The following PAPPA variants were observed in gnomAD, a reference collection of about 807,000 sequenced individuals.
PAPPA encodes the protein pappalysin 1.
Under a neutral mutation model 164.0 loss-of-function variants are expected in PAPPA, and 60 were observed. The ratio of observed to expected loss-of-function variants is 0.37; its 90% CI spans 0.30 to 0.45. The LOEUF (loss-of-function observed/expected upper bound fraction) is 0.45. Ranked by LOEUF, PAPPA falls within the 20% of genes least tolerant of loss-of-function variation. The pLI is 1.00. For missense variants in PAPPA, 1,782 were observed against 2,087.3 expected, an observed-to-expected ratio of 0.85 and a Z score of 2.85; for synonymous variants, 875 against 814.1, an observed-to-expected ratio of 1.07 and a Z score of -1.27.
intron 15 of PAPPA, among the ~76,000 whole-genome samples, chr9:116,352,215 T>G (rs1846291537): frequency 6.6e-6 from 1 of 151,914 alleles, no homozygotes; most frequent in Non-Finnish European, 1.5e-5. Flanking sequence ...TGGTGGGAGC[T>G]GGGGGAGGTG....
At chr9:116,212,354 A>T (rs1200634337) in intron 4 of PAPPA, among the ~76,000 whole-genome samples, 1 of 152,096 alleles carries the variant, frequency 6.6e-6, no homozygotes, top group Non-Finnish European at 1.5e-5. Flanking sequence ...TTATCATAGT[A>T]CTTTTGAGTA....
chr9:116,393,214 C>T (rs1279255634), intron 21 of PAPPA, among the ~76,000 whole-genome samples: 2 of 152,180 alleles, frequency 1.3e-5, no homozygotes, highest in Non-Finnish European at 2.9e-5. Context: ...TTCTATGTTT[C>T]AAGTTCCTTT....
intron 7 of PAPPA, among the ~76,000 whole-genome samples, chr9:116,243,205 T>C (rs1443248333): frequency 2.0e-5 from 3 of 152,202 alleles, no homozygotes; most frequent in African/African-American, 2.4e-5. Context: ...TTTAGTACAA[T>C]CCCTGTGCTA....
chr9:116,225,371 T>G (rs1347128871), intron 5 of PAPPA, among the ~76,000 whole-genome samples: 1 of 152,224 alleles, frequency 6.6e-6, no homozygotes, highest in Non-Finnish European at 1.5e-5. Context: ...ACTCATGTAT[T>G]TAAAATATGT....
At chr9:116,290,603 T>C (rs1735641731) in intron 9 of PAPPA, among the ~76,000 whole-genome samples, 2 of 152,160 alleles carry the variant, frequency 1.3e-5, no homozygotes, top group African/African-American at 4.8e-5. Context: ...CTTGACTCCC[T>C]GACCATTACT....
At chr9:116,165,285 C>T (rs116801048) in intron 1 of PAPPA, among the ~76,000 whole-genome samples, 1 of 152,268 alleles carries the variant, frequency 6.6e-6, no homozygotes, top group African/African-American at 2.4e-5. Flanking sequence ...CCACTGGGCT[C>T]CAGACTCACA....
intron 9 of PAPPA, among the ~76,000 whole-genome samples, chr9:116,283,799 G>A (rs77242360): frequency 0.018 from 2,761 of 152,196 alleles, 78 homozygotes; most frequent in African/African-American, 0.064. Flanking sequence ...TCATTACCAA[G>A]GAAGGGTCTC....
At chr9:116,212,068 A>C in intron 4 of PAPPA, 136 bp downstream of exon 4, 1 of 733,028 alleles carries the variant, frequency 1.4e-6, no homozygotes, top group South Asian at 1.8e-5. Context: ...TATCCACCTA[A>C]TGTCTTTCGG....
At chr9:116,314,899 T>C (rs1288886616) in intron 10 of PAPPA, among the ~76,000 whole-genome samples, 2 of 152,212 alleles carry the variant, frequency 1.3e-5, no homozygotes, top group African/African-American at 4.8e-5. Context: ...ACAAGCTGAC[T>C]TTCAGTGTGC....
At chr9:116,234,980 GT>G (rs1188070297) in intron 6 of PAPPA, among the ~76,000 whole-genome samples, 158 bp from the exon 7 acceptor site, 1 of 152,180 alleles carries the variant, frequency 6.6e-6, no homozygotes, top group Non-Finnish European at 1.5e-5. Context: ...TGGATGCTGT[GT>G]GTATAGCAGA....
chr9:116,384,113 C>T (rs933669801), intron 21 of PAPPA, among the ~76,000 whole-genome samples: 12 of 151,886 alleles, frequency 7.9e-5, no homozygotes, highest in Non-Finnish European at 1.8e-4. Flanking sequence ...GTTTACTTAG[C>T]ACAGGAAATC....
In PAPPA at chr9:116,368,699, A is replaced by T. The variant is rs188792856; in HGVS notation, c.4605+945A>T. On this transcript the variant is annotated intron_variant, in intron 19 of 21. Transcript: ENST00000328252. ...TCACCCTGGAGAAACCGAAAGAAGG[A>T]GGCCGGGGTTGCGGGGTGGGCGAGG... is the stretch of plus-strand genomic sequence containing the variant. Among the ~76,000 whole-genome samples, 199 of 152,256 alleles carry T rather than the reference A, an allele frequency of 1.3e-3. 3 individuals are homozygous for T. The highest frequency in any genetic ancestry group is 8.5e-3 in the South Asian group (41 of 4,812).
chr9:116,352,663 G>T (rs770384483), intron 15 of PAPPA, 43 bp from the exon 16 acceptor site: 2 of 1,507,598 alleles, frequency 1.3e-6, no homozygotes, highest in Non-Finnish European at 1.8e-6. Context: ...TTGGCTATCA[G>T]AGACTCCTCC....
chr9:116,288,478 C>T (rs1264550555), intron 9 of PAPPA: 1 of 149,224 alleles, frequency 6.7e-6, no homozygotes, highest in African/African-American at 2.5e-5. Context: ...TCCCTCCCTC[C>T]CTGCCTCCCT....
At position 116,304,546 on chromosome 9, in the gene PAPPA, A is replaced by G. The variant is rs1319914294; in HGVS notation, c.3147+1596A>G. 2.6e-5 allele frequency among the ~76,000 whole-genome samples: 4 copies of G among 152,342 alleles called. No homozygotes were observed. In the East Asian group the frequency reaches 7.7e-4, roughly 29 times the overall value. On this transcript the variant is annotated intron_variant, in intron 10 of 21. Transcript: ENST00000328252. The stretch of plus-strand genomic sequence containing the variant: ...AACACACTCAGAACCTCCCATGAGG[A>G]AGAGTTGAGGTAGCAGCTGTGCTTA...
At chr9:116,279,287 C>T (rs974975621) in intron 9 of PAPPA, among the ~76,000 whole-genome samples, 5 of 152,008 alleles carry the variant, frequency 3.3e-5, no homozygotes, top group African/African-American at 9.7e-5. Flanking sequence ...GAAAAGGAGG[C>T]GATGGGGCGG....
intron 21 of PAPPA, among the ~76,000 whole-genome samples, chr9:116,390,419 A>G (rs976910242): frequency 1.3e-5 from 2 of 152,160 alleles, no homozygotes; most frequent in African/African-American, 2.4e-5. Context: ...GCAAGGGGAA[A>G]AGGGATAAAA....
intron 9 of PAPPA, among the ~76,000 whole-genome samples, chr9:116,300,322 G>C (rs1845564826): frequency 6.6e-6 from 1 of 151,760 alleles, no homozygotes; most frequent in Non-Finnish European, 1.5e-5. Flanking sequence ...CTGTCACCCA[G>C]GCTGGAGTGC....
chr9:116,261,384 A>G (rs1461050162), intron 7 of PAPPA, among the ~76,000 whole-genome samples: 1 of 152,128 alleles, frequency 6.6e-6, no homozygotes, highest in Non-Finnish European at 1.5e-5. Flanking sequence ...GCAAAATGTG[A>G]TGTTTCCATA....
Sources: gnomAD v4.1 joint callset for allele counts (sites outside exome capture counted in the v4.1 genomes callset) on GRCh38, gnomAD v4.1.1 for gene constraint, MANE v1.5 for transcripts, NCBI Gene and HGNC (gene_info 2026-07-23, HGNC 2026-07-21) for gene names.